Variants in NPR3 observed in about 807,000 individuals in gnomAD.
The protein encoded by NPR3 is atrial natriuretic peptide receptor 3.
A neutral mutation model predicts 54.5 loss-of-function variants in NPR3; 34 were observed. That is an observed-to-expected ratio of 0.62 (90% CI 0.47 to 0.83). The LOEUF is 0.83. NPR3 is among the 40% of genes least tolerant of loss of function. The pLI is 0.00. For synonymous variants in NPR3, 289 were observed against 297.1 expected, an observed-to-expected ratio of 0.97 and a Z score of 0.28; for missense variants, 674 against 720.8, an observed-to-expected ratio of 0.94 and a Z score of 0.74.
Position 32,774,631 on chromosome 5 carries a change from C to T in NPR3, c.1060-77C>T, listed in dbSNP as rs546941855. On this transcript the variant is annotated intron_variant, in intron 3 of 7. Transcript: ENST00000265074. Reference sequence around the variant, plus strand: ...ACAGACCTGAAGTCTAACTTGTTAACGCTTTGGATTGCTCATCTTATTCCT... The same window carrying T: ...ACAGACCTGAAGTCTAACTTGTTAATGCTTTGGATTGCTCATCTTATTCCT... The T allele has an allele frequency of 3.0e-4, 327 of 1,099,310 alleles. 2 individuals carry two copies. The South Asian group carries it at 3.2e-3, about 11-fold the overall frequency. The allele number at this position is 1,099,310 out of a possible 1,614,324, so 68.1% of individuals were successfully genotyped here. A position where few individuals can be genotyped will look rare whatever the true frequency, so the allele number is the denominator to read the frequency against.
At chr5:32,716,657 G>A (rs1738568350) in intron 1 of NPR3, 2 of 187,296 alleles carry the variant, frequency 1.1e-5, no homozygotes, top group South Asian at 2.0e-4. Flanking sequence ...TCAGTATTCA[G>A]TATAAATATT....
In NPR3 at chr5:32,713,476, A is replaced by G. The variant is rs559481370; in HGVS notation, c.769+931A>G. The G allele has an allele frequency of 2.8e-5, 28 of 984,502 alleles. No individual in the cohort carries two copies. The South Asian group carries it at 8.0e-4, about 28-fold the overall frequency. The allele number at this position is 984,502 out of a possible 1,614,324, so 61.0% of individuals were successfully genotyped here. On this transcript the variant is annotated intron_variant, in intron 1 of 7. Transcript: ENST00000265074. Reference sequence around the variant, plus strand: ...AGGGAAGGCGGACTGAGATGCCGGTATAGCGCCGATCCCTCCTCCCTCTAG... The same window carrying G: ...AGGGAAGGCGGACTGAGATGCCGGTGTAGCGCCGATCCCTCCTCCCTCTAG...
At chr5:32,703,605 G>T (rs1339519272) in intron 1 of NPR3, among the ~76,000 whole-genome samples, 1 of 152,146 alleles carries the variant, frequency 6.6e-6, no homozygotes, top group Non-Finnish European at 1.5e-5. Flanking sequence ...TCCCTTCAAG[G>T]CAGCAGGTTC....
intron 3 of NPR3, among the ~76,000 whole-genome samples, chr5:32,756,803 GTTTCAGC>G (rs1244330090): frequency 6.6e-6 from 1 of 152,182 alleles, no homozygotes; most frequent in Non-Finnish European, 1.5e-5. Flanking sequence ...AAGTGATCCA[GTTTCAGC>G]TTTCTACATA....
intron 3 of NPR3, among the ~76,000 whole-genome samples, chr5:32,767,051 G>A (rs1055388370): frequency 1.3e-5 from 2 of 152,224 alleles, no homozygotes; most frequent in African/African-American, 4.8e-5. Context: ...ATGGGTTGGA[G>A]GTCAACTCAG....
chr5:32,763,603 T>C (rs944222046), intron 3 of NPR3, among the ~76,000 whole-genome samples: 3 of 152,020 alleles, frequency 2.0e-5, no homozygotes, highest in Non-Finnish European at 4.4e-5. Flanking sequence ...CCTGAGCCAT[T>C]GTGCCCAGCC....
upstream of NPR3, among the ~76,000 whole-genome samples, chr5:32,708,777 C>G (rs1385436011): frequency 6.6e-6 from 1 of 152,206 alleles, no homozygotes; most frequent in African/African-American, 2.4e-5. Flanking sequence ...GAAATCCATA[C>G]ACTTACATTA....
intron 4 of NPR3, among the ~76,000 whole-genome samples, chr5:32,778,560 G>C (rs1321362688): frequency 6.6e-6 from 1 of 152,196 alleles, no homozygotes; most frequent in Non-Finnish European, 1.5e-5. Flanking sequence ...GATTTCCTCT[G>C]TGTGAGAGGT....
chr5:32,781,376 A>G (rs1742330904), intron 5 of NPR3, among the ~76,000 whole-genome samples: 1 of 152,228 alleles, frequency 6.6e-6, no homozygotes, highest in South Asian at 2.1e-4. Flanking sequence ...AGTACTATCT[A>G]CATTTTAAAT....
At position 32,728,982 on chromosome 5, in the gene NPR3, T is replaced by C. The variant is rs867597521; in HGVS notation, c.892+4162T>C. Among the ~76,000 whole-genome samples the C allele has an allele frequency of 1.2e-4, 18 of 147,844 alleles. No individual in the cohort carries two copies. In the South Asian group the frequency reaches 1.5e-3, roughly 12 times the overall value. On this transcript the variant is annotated intron_variant, in intron 2 of 7. Transcript: ENST00000265074. The stretch of plus-strand genomic sequence containing the variant: ...CTAAAGATAATTTTATTTTATTCCC[T>C]GAGGATGCTGAATAATATTGTGTGC...
At chr5:32,710,257 A>G (rs563413791), upstream of NPR3, 1 of 152,714 alleles carries the variant, frequency 6.5e-6, no homozygotes, top group African/African-American at 2.4e-5. Context: ...ACCCCAGCAC[A>G]GTGCCTCGAG....
intron 3 of NPR3, among the ~76,000 whole-genome samples, chr5:32,769,785 C>G (rs1427253365): frequency 1.3e-5 from 2 of 152,218 alleles, no homozygotes; most frequent in African/African-American, 4.8e-5. Flanking sequence ...ACCCCAAGAG[C>G]TAGACCACTC....
chr5:32,696,984 CT>C (rs1482980936), intron 1 of NPR3, among the ~76,000 whole-genome samples: 20 of 152,032 alleles, frequency 1.3e-4, no homozygotes, highest in Admixed American at 3.3e-4. Context: ...CCCTTTATTT[CT>C]TTCTCTTGTC....
At chr5:32,710,005 G>T (rs994456451), upstream of NPR3, 1 of 152,174 alleles carries the variant, frequency 6.6e-6, no homozygotes, top group Admixed American at 6.5e-5. Flanking sequence ...TAAATGTGCG[G>T]GACTTAATTG....
intron 2 of NPR3, among the ~76,000 whole-genome samples, chr5:32,734,817 C>T (rs1739643560): frequency 6.6e-6 from 1 of 152,172 alleles, no homozygotes; most frequent in Admixed American, 6.5e-5. Flanking sequence ...AATAGTCACA[C>T]ATGTGGCTAG....
At chr5:32,765,122 G>A (rs1561121135) in intron 3 of NPR3, among the ~76,000 whole-genome samples, 1 of 152,122 alleles carries the variant, frequency 6.6e-6, no homozygotes, top group Non-Finnish European at 1.5e-5. Flanking sequence ...AAAAGTAATG[G>A]TAAGTACCGC....
intron 3 of NPR3, among the ~76,000 whole-genome samples, chr5:32,744,500 G>T (rs1190923735): frequency 6.6e-6 from 1 of 152,158 alleles, no homozygotes; most frequent in Non-Finnish European, 1.5e-5. Context: ...CTCAAGAATT[G>T]TATAAAAATA....
intron 2 of NPR3, 60 bp from the exon 3 acceptor site, chr5:32,738,804 G>T: frequency 6.7e-7 from 1 of 1,497,892 alleles, no homozygotes; most frequent in East Asian, 2.3e-5. Flanking sequence ...GTTGTGAAGG[G>T]AGAATGGCCT....
chr5:32,729,007 C>T (rs1436864957), intron 2 of NPR3, among the ~76,000 whole-genome samples: 1 of 144,192 alleles, frequency 6.9e-6, no homozygotes, highest in Non-Finnish European at 1.5e-5. Context: ...ATATTGTGTG[C>T]CTGTGTGTTT....
Sources: gnomAD v4.1 joint callset for allele counts (sites outside exome capture counted in the v4.1 genomes callset) on GRCh38, gnomAD v4.1.1 for gene constraint, MANE v1.5 for transcripts, NCBI Gene and HGNC (gene_info 2026-07-23, HGNC 2026-07-21) for gene names.